KIR2DL3: variants seen among roughly 807,000 people sequenced by gnomAD.
The protein encoded by KIR2DL3 is killer cell immunoglobulin-like receptor 2DL3.
A neutral mutation model predicts 33.8 loss-of-function variants in KIR2DL3; 39 were observed. The ratio of observed to expected loss-of-function variants is 1.15; its 90% CI spans 0.89 to 1.51. KIR2DL3 has a LOEUF of 1.51. KIR2DL3 is among the 40% of genes most tolerant of loss of function. KIR2DL3 has a pLI of 0.00. For synonymous variants in KIR2DL3, 174 were observed against 160.2 expected (o/e 1.09, Z -0.65); for missense variants, 462 against 426.2 (o/e 1.08, Z -0.74).
At chr19:54,745,180 T>A (rs1249241905) in intron 4 of KIR2DL3, among the ~76,000 whole-genome samples, 1 of 151,948 alleles carries the variant, frequency 6.6e-6, no homozygotes, top group Non-Finnish European at 1.5e-5. Context: ...CTACATTCTC[T>A]CTATCCATTC....
intron 4 of KIR2DL3, among the ~76,000 whole-genome samples, chr19:54,746,148 C>T (rs2072453744): frequency 7.4e-6 from 1 of 134,744 alleles, no homozygotes; most frequent in Admixed American, 7.7e-5. Flanking sequence ...TGAAAACTCA[C>T]TTTGATTTTA....
chr19:54,750,944 C>T lies in KIR2DL3; in HGVS notation c.716-705C>T, dbSNP rs558355912. On this transcript the variant is annotated intron_variant, in intron 5 of 7. Transcript: ENST00000342376. ...AGCTAAAGCACTGCATGACGTCCTC[C>T]TCCAGGAAGAACAGGAAGACAGCCC... Among the ~76,000 whole-genome samples the T allele has an allele frequency of 7.5e-5, 10 of 133,998 alleles. No individual in the cohort carries two copies. The East Asian group carries it at 2.0e-3, about 27-fold the overall frequency. 87.9% of individuals were successfully genotyped at this position (133,998 alleles called of 152,430 possible). A position where few individuals can be genotyped will look rare whatever the true frequency, so the allele number is the denominator to read the frequency against.
intron 5 of KIR2DL3, among the ~76,000 whole-genome samples, chr19:54,750,095 GC>G (rs2073182394): frequency 7.5e-6 from 1 of 132,556 alleles, no homozygotes; most frequent in Non-Finnish European, 1.6e-5. Context: ...AAATGTGAAA[GC>G]CCTCAGAATC....
chr19:54,744,138 C>G (rs1344361340), intron 4 of KIR2DL3, 50 bp downstream of exon 4: 7 of 1,606,412 alleles, frequency 4.4e-6, no homozygotes, highest in Non-Finnish European at 5.9e-6. Flanking sequence ...AGAGCCTTAG[C>G]TGAGGAGCTT....
chr19:54,741,543 C>G (rs113314994), intron 2 of KIR2DL3, among the ~76,000 whole-genome samples: 10,914 of 113,328 alleles, frequency 0.096, 4 homozygotes, highest in South Asian at 0.16. Context: ...TCCCAGTCCC[C>G]ACCAGGAACA....
rs984043685 is a variant in KIR2DL3 at position 54,751,340 on chromosome 19, C to T, written c.716-309C>T. 3.8e-5 allele frequency among the ~76,000 whole-genome samples: 5 copies of T among 132,580 alleles called. 1 individual carries two copies. The highest frequency in any genetic ancestry group is 5.7e-5 in the African/African-American group (2 of 34,836). The allele number at this position is 132,580 out of a possible 152,430, so 87.0% of individuals were successfully genotyped here. ...CTCCTTGGGACAGCATTGGTCTGTTCATGATGGATCCACCTCCATGACCCA... is the reference window on the plus strand; with the variant it reads ...CTCCTTGGGACAGCATTGGTCTGTTTATGATGGATCCACCTCCATGACCCA... On this transcript the variant is annotated intron_variant, in intron 5 of 7. Transcript: ENST00000342376.
intron 3 of KIR2DL3, among the ~76,000 whole-genome samples, chr19:54,742,664 T>G (rs1479999858): frequency 1.3e-5 from 2 of 150,538 alleles, no homozygotes; most frequent in African/African-American, 4.9e-5. Flanking sequence ...CCCATATTTA[T>G]GACCTGAGTT....
Position 54,751,762 on chromosome 19 carries a change from C to G in KIR2DL3, c.820+9C>G, listed in dbSNP as rs751943844. Reference sequence around the variant, plus strand: ...GTGCTGCAACAAAAAAAGTAAGTCTCACGAAGCAGAGGCCAGAGAGCTCAG... The same window carrying G: ...GTGCTGCAACAAAAAAAGTAAGTCTGACGAAGCAGAGGCCAGAGAGCTCAG... On this transcript the variant is annotated intron_variant, in intron 6 of 7. Transcript: ENST00000342376. 62 of 1,455,096 alleles carry G rather than the reference C, an allele frequency of 4.3e-5. 5 individuals carry two copies. Among genetic ancestry groups the G allele is most frequent in the Admixed American group, 2.6e-4 (14 of 54,702 alleles). 90.1% of individuals were successfully genotyped at this position (1,455,096 alleles called of 1,614,324 possible).
intron 5 of KIR2DL3, among the ~76,000 whole-genome samples, chr19:54,748,349 C>A (rs1458128759): frequency 6.7e-6 from 1 of 149,362 alleles, no homozygotes; most frequent in African/African-American, 2.5e-5. Flanking sequence ...TTAAGTTCAG[C>A]TGATTAGCAA....
intron 5 of KIR2DL3, among the ~76,000 whole-genome samples, chr19:54,749,264 TA>T (rs2073063773): frequency 1.3e-5 from 2 of 149,580 alleles, no homozygotes. Flanking sequence ...CACCTCGGGG[TA>T]ACCAGGAATC....
chr19:54,741,977 T>C lies in KIR2DL3; in HGVS notation c.71-3T>C. The C allele has an allele frequency of 1.2e-6, 2 of 1,603,384 alleles. No homozygotes were observed. Among genetic ancestry groups the C allele is most frequent in the South Asian group, 1.1e-5 (1 of 90,686 alleles). ...CTTCTAAACTCACAACCTCTCTTCC[T>C]AGGAGTCCACAGAAAACCTTCCCTC... On this transcript the variant is annotated splice_polypyrimidine_tract_variant and splice_region_variant and intron_variant, in intron 2 of 7. Coordinates refer to ENST00000342376, the MANE Select transcript of KIR2DL3 (RefSeq NM_015868.3).
chr19:54,741,010 C>T (rs997481631), intron 2 of KIR2DL3, among the ~76,000 whole-genome samples: 1 of 151,784 alleles, frequency 6.6e-6, no homozygotes, highest in African/African-American at 2.4e-5. Flanking sequence ...CCAGAGGGAA[C>T]AAAGCCCTGC....
At chr19:54,748,091 C>G (rs1162379918) in intron 5 of KIR2DL3, among the ~76,000 whole-genome samples, 1 of 150,718 alleles carries the variant, frequency 6.6e-6, no homozygotes, top group African/African-American at 2.5e-5. Context: ...GAATCTGCTT[C>G]TCACTTATCC....
At chr19:54,742,464 A>G (rs34604205) in intron 3 of KIR2DL3, among the ~76,000 whole-genome samples, 185 bp downstream of exon 3, 43,158 of 146,956 alleles carry the variant, frequency 0.29, 6,547 homozygotes, top group South Asian at 0.38. Context: ...GTGTCATAAC[A>G]GAGGACAGAC....
chr19:54,744,894 A>ACATTTTTTT (rs2072062130), intron 4 of KIR2DL3, among the ~76,000 whole-genome samples: 1 of 52,758 alleles, frequency 1.9e-5, no homozygotes, highest in Non-Finnish European at 4.0e-5. Flanking sequence ...ATATATATAT[A>ACATTTTTTT]TATACACACA....
intron 1 of KIR2DL3, among the ~76,000 whole-genome samples, chr19:54,738,855 A>C (rs1165549556): frequency 3.1e-5 from 2 of 64,788 alleles, no homozygotes; most frequent in African/African-American, 1.3e-4. Flanking sequence ...GGCCTGCAGT[A>C]GAGATAGGGG....
chr19:54,752,900 C>T lies in KIR2DL3; in HGVS notation c.*381C>T, dbSNP rs112626479. 2.5e-4 allele frequency: 91 copies of T among 368,280 alleles called. No individual in the cohort carries two copies. Among genetic ancestry groups the T allele is most frequent in the African/African-American group, 1.6e-3 (71 of 45,674 alleles). The allele number at this position is 368,280 out of a possible 1,614,324, so 22.8% of individuals were successfully genotyped here. A position where few individuals can be genotyped will look rare whatever the true frequency, so the allele number is the denominator to read the frequency against. The stretch of plus-strand genomic sequence containing the variant: ...ACATACAAGAGGCTCCCTCTTAACA[C>T]GGCACTTAGACACGTGCTGTTCCAC... On this transcript the variant is annotated 3_prime_UTR_variant, in exon 8 of 8. Coordinates refer to ENST00000342376, the MANE Select transcript of KIR2DL3 (RefSeq NM_015868.3).
intron 3 of KIR2DL3, 132 bp downstream of exon 3, chr19:54,742,411 T>A: frequency 7.5e-7 from 1 of 1,336,380 alleles, no homozygotes; most frequent in Non-Finnish European, 1.0e-6. Flanking sequence ...CTGAGGTTTG[T>A]ACCAACAGAG....
At chr19:54,750,686 C>G (rs2073286528) in intron 5 of KIR2DL3, among the ~76,000 whole-genome samples, 1 of 137,882 alleles carries the variant, frequency 7.3e-6, no homozygotes, top group Non-Finnish European at 1.6e-5. Flanking sequence ...TCCTATCACT[C>G]ACCGTCACTC....
Sources: gnomAD v4.1 joint callset for allele counts (sites outside exome capture counted in the v4.1 genomes callset) on GRCh38, gnomAD v4.1.1 for gene constraint, MANE v1.5 for transcripts, NCBI Gene and HGNC (gene_info 2026-07-23, HGNC 2026-07-21) for gene names.